Variants in RBFOX1 observed in about 807,000 individuals in gnomAD.
RBFOX1 encodes the protein RNA binding protein fox-1 homolog 1.
Under a neutral mutation model 57.7 loss-of-function variants are expected in RBFOX1, and 8 were observed. That is an observed-to-expected ratio of 0.14 (90% CI 0.08 to 0.25). RBFOX1 has a LOEUF of 0.25. RBFOX1 is among the 10% of genes least tolerant of loss of function. The probability of loss-of-function intolerance (pLI) is 1.00; values close to 1 mark genes in which losing one functional copy is unlikely to be tolerated. For missense variants in RBFOX1, 611 were observed against 548.5 expected (o/e 1.11, Z -1.14); for synonymous variants, 326 against 222.4 (o/e 1.47, Z -4.15).
intron 2 of RBFOX1, among the ~76,000 whole-genome samples, chr16:5,477,583 A>G (rs2069374378): frequency 6.6e-6 from 1 of 152,182 alleles, no homozygotes. Context: ...GGGACAACTA[A>G]TAGGGTTCAT....
At chr16:5,640,615 C>T (rs950403636) in intron 3 of RBFOX1, among the ~76,000 whole-genome samples, 1 of 151,938 alleles carries the variant, frequency 6.6e-6, no homozygotes, top group African/African-American at 2.4e-5. Context: ...CATGCGCATA[C>T]ATATGCACAC....
chr16:5,396,940 C>T (rs188033179), intron 1 of RBFOX1, among the ~76,000 whole-genome samples: 7 of 152,322 alleles, frequency 4.6e-5, no homozygotes, highest in African/African-American at 1.4e-4. Context: ...CTATCAGACA[C>T]CCCTGGATAT....
chr16:5,259,379 C>G (rs1158802616), intron 1 of RBFOX1, among the ~76,000 whole-genome samples: 2 of 152,140 alleles, frequency 1.3e-5, no homozygotes, highest in African/African-American at 4.8e-5. Context: ...GCCAGCCTGG[C>G]TCTGGCTCTG....
chr16:6,469,247 C>A (rs1465394213), intron 2 of RBFOX1, among the ~76,000 whole-genome samples: 1 of 152,138 alleles, frequency 6.6e-6, no homozygotes, highest in Non-Finnish European at 1.5e-5. Flanking sequence ...TGTAATGCTG[C>A]CAAACCTAAT....
At chr16:5,439,699 C>T (rs1288537153) in intron 1 of RBFOX1, among the ~76,000 whole-genome samples, 8 of 152,104 alleles carry the variant, frequency 5.3e-5, no homozygotes, top group African/African-American at 1.9e-4. Context: ...CCCGCCTTGA[C>T]CTCCCAAAGT....
intron 5 of RBFOX1, among the ~76,000 whole-genome samples, chr16:7,538,285 C>T (rs185313598): frequency 9.1e-4 from 139 of 152,260 alleles, no homozygotes; most frequent in Non-Finnish European, 1.6e-3. Flanking sequence ...TTTAAAGCCT[C>T]CTATTGTCCA....
chr16:7,187,757 G>A (rs919318609), intron 4 of RBFOX1, among the ~76,000 whole-genome samples: 1 of 104,440 alleles, frequency 9.6e-6, no homozygotes, highest in African/African-American at 3.7e-5. Flanking sequence ...TAAAATCTTA[G>A]AAACAAAAAT....
At chr16:7,685,590 G>C (rs2075893960) in intron 14 of RBFOX1, among the ~76,000 whole-genome samples, 1 of 152,106 alleles carries the variant, frequency 6.6e-6, no homozygotes, top group African/African-American at 2.4e-5. Flanking sequence ...ATTATAAACT[G>C]AAAGAGGTGG....
chr16:6,781,790 A>G (rs1224248817), intron 3 of RBFOX1, among the ~76,000 whole-genome samples: 1 of 151,992 alleles, frequency 6.6e-6, no homozygotes, highest in Admixed American at 6.6e-5. Context: ...CTGATTTCAT[A>G]TATTTGGACA....
chr16:7,586,536 T>C (rs1019703818), intron 6 of RBFOX1, among the ~76,000 whole-genome samples: 1 of 152,226 alleles, frequency 6.6e-6, no homozygotes, highest in Admixed American at 6.5e-5. Context: ...TGACATATCC[T>C]GAAAAATCTG....
chr16:6,694,683 C>A (rs1303824490), intron 3 of RBFOX1, among the ~76,000 whole-genome samples: 3 of 152,234 alleles, frequency 2.0e-5, no homozygotes, highest in African/African-American at 7.2e-5. Context: ...GCAAGATGGC[C>A]ACCAGGAGCC....
chr16:6,847,625 G>A (rs908628342), intron 3 of RBFOX1, among the ~76,000 whole-genome samples: 1 of 152,086 alleles, frequency 6.6e-6, no homozygotes, highest in Admixed American at 6.5e-5. Flanking sequence ...CGTGAAGAAT[G>A]GAAGAATTGC....
At chr16:7,465,267 G>T (rs1305409534) in intron 4 of RBFOX1, among the ~76,000 whole-genome samples, 1 of 152,134 alleles carries the variant, frequency 6.6e-6, no homozygotes, top group Non-Finnish European at 1.5e-5. Flanking sequence ...CCCAATTGAA[G>T]TACACACTCA....
At chr16:6,280,688 A>T (rs571767867) in intron 1 of RBFOX1, among the ~76,000 whole-genome samples, 1 of 152,172 alleles carries the variant, frequency 6.6e-6, no homozygotes, top group Non-Finnish European at 1.5e-5. Context: ...TATAACCAAA[A>T]TTCATTGCGG....
chr16:6,496,816 C>G (rs936868682), intron 2 of RBFOX1, among the ~76,000 whole-genome samples: 1 of 152,016 alleles, frequency 6.6e-6, no homozygotes, highest in African/African-American at 2.4e-5. Flanking sequence ...AAAAATTGGC[C>G]TGGTGTGATG....
chr16:6,623,868 A>C lies in RBFOX1; in HGVS notation c.-63-30735A>C, dbSNP rs2098269147. Among the ~76,000 whole-genome samples, 4 of 152,150 alleles carry C rather than the reference A, an allele frequency of 2.6e-5. No homozygotes were observed. The South Asian group carries it at 8.3e-4, about 32-fold the overall frequency. On this transcript the variant is annotated intron_variant, in intron 2 of 15. Coordinates refer to ENST00000550418, the MANE Select transcript of RBFOX1 (RefSeq NM_018723.4). ...ATTGTTGGACATTTGGGTTGGTTCC[A>C]AGTCTTTGCTATTGTGAATAGTGCC...
intron 3 of RBFOX1, among the ~76,000 whole-genome samples, chr16:5,762,877 T>C (rs2053637868): frequency 6.6e-6 from 1 of 152,194 alleles, no homozygotes; most frequent in African/African-American, 2.4e-5. Flanking sequence ...TTTAAAAATA[T>C]GTATCCGTAA....
chr16:7,129,514 C>T lies in RBFOX1; in HGVS notation c.27+77416C>T, dbSNP rs76835020. On this transcript the variant is annotated intron_variant, in intron 4 of 15. Transcript: ENST00000550418. ...AATTGGGTAAATTTCAAGGATAAGA[C>T]CTTGCCATGATACTCTTGGATTACA... Among the ~76,000 whole-genome samples, 1,320 of 152,090 alleles carry T rather than the reference C, an allele frequency of 8.7e-3. 34 individuals are homozygous for T. The highest frequency in any genetic ancestry group is 0.029 in the African/African-American group (1,220 of 41,460).
intron 2 of RBFOX1, among the ~76,000 whole-genome samples, chr16:6,416,609 T>C (rs1450569223): frequency 6.6e-6 from 1 of 152,160 alleles, no homozygotes; most frequent in Non-Finnish European, 1.5e-5. Context: ...TTGTAAATTT[T>C]ATGTCCTCAG....
Sources: gnomAD v4.1 joint callset for allele counts (sites outside exome capture counted in the v4.1 genomes callset) on GRCh38, gnomAD v4.1.1 for gene constraint, MANE v1.5 for transcripts, NCBI Gene and HGNC (gene_info 2026-07-23, HGNC 2026-07-21) for gene names.